Variants in TNFRSF10D observed in about 807,000 individuals in gnomAD.
TNFRSF10D encodes TNF receptor superfamily member 10d.
A neutral mutation model predicts 42.1 loss-of-function variants in TNFRSF10D; 28 were observed. That is an observed-to-expected ratio of 0.66 (90% CI 0.49 to 0.91). The LOEUF is 0.91. Among genes scored for constraint, TNFRSF10D ranks in the 40% least tolerant of loss-of-function variants. The probability of loss-of-function intolerance (pLI) is 0.00; values close to 1 mark genes in which losing one functional copy is unlikely to be tolerated. For synonymous variants in TNFRSF10D, 186 were observed against 189.4 expected, an observed-to-expected ratio of 0.98 and a Z score of 0.15; for missense variants, 503 against 486.1, an observed-to-expected ratio of 1.03 and a Z score of -0.33.
intron 2 of TNFRSF10D, among the ~76,000 whole-genome samples, chr8:23,153,436 A>C (rs193278081): frequency 5.5e-3 from 836 of 152,070 alleles, no homozygotes; most frequent in African/African-American, 0.017. Flanking sequence ...ACGAGACAAC[A>C]TACAGGATGA....
chr8:23,155,890 C>T (rs114748952), intron 1 of TNFRSF10D, among the ~76,000 whole-genome samples: 699 of 151,416 alleles, frequency 4.6e-3, no homozygotes, highest in African/African-American at 0.015. Context: ...ATGAGGGTTA[C>T]AATATAACCT....
At chr8:23,142,128 G>A (rs557621289) in intron 7 of TNFRSF10D, among the ~76,000 whole-genome samples, 2 of 152,216 alleles carry the variant, frequency 1.3e-5, no homozygotes, top group Non-Finnish European at 1.5e-5. Flanking sequence ...AAAATTAGCC[G>A]GGTATGGTGG....
chr8:23,160,973 T>C (rs1163641756), intron 1 of TNFRSF10D, among the ~76,000 whole-genome samples: 16 of 152,228 alleles, frequency 1.1e-4, no homozygotes, highest in Admixed American at 1.0e-3. Context: ...CACATGGTGC[T>C]CCACCCCAGT....
chr8:23,147,119 C>A, intron 3 of TNFRSF10D, 47 bp from the exon 4 acceptor site: 1 of 1,508,388 alleles, frequency 6.6e-7, no homozygotes, highest in South Asian at 1.1e-5. Context: ...CCTGACATGT[C>A]TGTCCACCCT....
intron 2 of TNFRSF10D, among the ~76,000 whole-genome samples, chr8:23,149,507 G>A (rs1427735085): frequency 6.7e-6 from 1 of 149,876 alleles, no homozygotes; most frequent in Non-Finnish European, 1.5e-5. Context: ...CCAAAGTGCT[G>A]GGATTACAGG....
intron 2 of TNFRSF10D, among the ~76,000 whole-genome samples, chr8:23,150,388 C>T (rs114708436): frequency 4.2e-3 from 636 of 151,848 alleles, no homozygotes; most frequent in African/African-American, 0.013. Flanking sequence ...AATCTGTGAA[C>T]AGGCTGACTG....
At chr8:23,152,775 C>T (rs145094198) in intron 2 of TNFRSF10D, among the ~76,000 whole-genome samples, 928 of 152,206 alleles carry the variant, frequency 6.1e-3, no homozygotes, top group African/African-American at 0.019. Context: ...CTCAATATTG[C>T]TTAATTGTTC....
chr8:23,149,481 C>T (rs1490682113), intron 2 of TNFRSF10D, among the ~76,000 whole-genome samples: 2 of 151,840 alleles, frequency 1.3e-5, no homozygotes, highest in Non-Finnish European at 2.9e-5. Context: ...TCAGGTGATC[C>T]ACCCTCCTCG....
chr8:23,138,231 C>G lies in TNFRSF10D; in HGVS notation c.984G>C (p.Arg328Ser), dbSNP rs1814376407. 1.9e-6 allele frequency: 3 copies of G among 1,614,106 alleles called. No homozygotes were observed. Among genetic ancestry groups the G allele is most frequent in the Admixed American group, 1.7e-5 (1 of 60,010 alleles). The change falls in exon 8 of 9, where the codon AGG (arginine) becomes AGC (serine). Residue 328 changes from arginine to serine, a missense_variant. By Grantham distance (110) the Arg-to-Ser change is moderately radical (BLOSUM62 -1). Transcript: ENST00000312584. ...LEQAEAEGCQ[R>S]RRLLVPVNDA... ...CATTCACTGGAACCAGCAGCCTCCT[C>G]CTCTGACACCCTTCAGCTTCTGCCT...
intron 1 of TNFRSF10D, among the ~76,000 whole-genome samples, chr8:23,156,100 G>A (rs1296428789): frequency 1.3e-5 from 2 of 152,144 alleles, no homozygotes; most frequent in African/African-American, 4.8e-5. Context: ...ATATTAGATA[G>A]TGGTAATGTG....
At chr8:23,142,485 T>C (rs933526507) in intron 7 of TNFRSF10D, among the ~76,000 whole-genome samples, 11 of 152,228 alleles carry the variant, frequency 7.2e-5, no homozygotes, top group African/African-American at 2.4e-4. Context: ...CCTAAGTGAA[T>C]TAATGTAGGA....
At chr8:23,144,824 G>A (rs112362923) in intron 6 of TNFRSF10D, among the ~76,000 whole-genome samples, 189 bp from the exon 7 acceptor site, 1,600 of 152,138 alleles carry the variant, frequency 0.011, 7 homozygotes, top group African/African-American at 0.037. Flanking sequence ...GGCCAGCTGT[G>A]GAGTGATGGT....
Position 23,135,941 on chromosome 8 carries a change from A to G in TNFRSF10D, c.*1929T>C. On this transcript the variant is annotated 3_prime_UTR_variant, in exon 9 of 9. Transcript: ENST00000312584. The stretch of plus-strand genomic sequence containing the variant: ...AGCACCCTGTGTCATCCAGAAGTGC[A>G]GGGGACAAGGTGTGGGACGCCAGAT... 1 of 448,242 alleles carries G rather than the reference A, an allele frequency of 2.2e-6. No individual in the cohort carries two copies. Among genetic ancestry groups the G allele is most frequent in the Admixed American group, 2.4e-5 (1 of 42,000 alleles). 27.8% of individuals were successfully genotyped at this position (448,242 alleles called of 1,614,324 possible).
chr8:23,149,760 C>T (rs1228569227), intron 2 of TNFRSF10D, among the ~76,000 whole-genome samples: 1 of 152,074 alleles, frequency 6.6e-6, no homozygotes, highest in Non-Finnish European at 1.5e-5. Flanking sequence ...GCACAACTAT[C>T]CCTGTCCAGC....
intron 3 of TNFRSF10D, 55 bp downstream of exon 3, chr8:23,148,383 C>G (rs1025559922): frequency 7.0e-7 from 1 of 1,425,738 alleles, no homozygotes; most frequent in African/African-American, 1.4e-5. Flanking sequence ...GGCTACAGCT[C>G]CCACCTCATC....
chr8:23,144,948 G>C, intron 6 of TNFRSF10D, 110 bp downstream of exon 6: 1 of 1,496,380 alleles, frequency 6.7e-7, no homozygotes. Context: ...CCATGTCAGA[G>C]AGTCAGGGCA....
chr8:23,155,761 T>C (rs961348399), intron 1 of TNFRSF10D, among the ~76,000 whole-genome samples: 4 of 150,726 alleles, frequency 2.7e-5, no homozygotes. Context: ...CAAGCAGAAA[T>C]AGCATCTAAT....
At chr8:23,148,300 T>C (rs7831991) in intron 3 of TNFRSF10D, 138 bp downstream of exon 3, 17,953 of 388,894 alleles carry the variant, frequency 0.046, 2,927 homozygotes, top group African/African-American at 0.35. Flanking sequence ...TTTAATCAAC[T>C]AGTCATAATC....
chr8:23,155,068 CA>C, intron 1 of TNFRSF10D, 89 bp from the exon 2 acceptor site: 2 of 1,050,370 alleles, frequency 1.9e-6, no homozygotes, highest in South Asian at 1.7e-5. Context: ...CCCCAAGTGA[CA>C]AAACCCATGA....
Sources: allele counts gnomAD v4.1 joint callset (sites outside exome capture counted in the v4.1 genomes callset), GRCh38; gene constraint gnomAD v4.1.1; transcripts MANE v1.5; gene names NCBI Gene and HGNC (gene_info 2026-07-23, HGNC 2026-07-21).